LSAMP: variants seen among roughly 807,000 people sequenced by gnomAD.
The protein encoded by LSAMP is limbic system-associated membrane protein.
LSAMP carries 7 observed loss-of-function variants against 38.6 expected under a neutral mutation model. That is an observed-to-expected ratio of 0.18 (90% confidence interval 0.10 to 0.34). LSAMP has a LOEUF of 0.34. Ranked by LOEUF, LSAMP falls within the 10% of genes least tolerant of loss-of-function variation. LSAMP has a pLI of 1.00. For synonymous variants in LSAMP, 154 were observed against 166.8 expected, an observed-to-expected ratio of 0.92 and a Z score of 0.59; for missense variants, 313 against 420.0, an observed-to-expected ratio of 0.75 and a Z score of 2.23.
chr3:116,066,507 T>C (rs1707431786), intron 2 of LSAMP, among the ~76,000 whole-genome samples: 1 of 152,220 alleles, frequency 6.6e-6, no homozygotes, highest in African/African-American at 2.4e-5. Context: ...TATTATTGTC[T>C]TCATTTGTTG....
intron 3 of LSAMP, among the ~76,000 whole-genome samples, chr3:115,992,629 C>CA (rs1463321539): frequency 5.3e-5 from 8 of 151,870 alleles, no homozygotes; most frequent in African/African-American, 1.9e-4. Context: ...AAAAGCTTTT[C>CA]AAAAATGCAT....
chr3:116,204,995 T>A (rs1404482052), intron 1 of LSAMP, among the ~76,000 whole-genome samples: 5 of 143,154 alleles, frequency 3.5e-5, no homozygotes, highest in African/African-American at 1.3e-4. Flanking sequence ...CCTTGGGCAG[T>A]ATGGCCATTT....
At chr3:115,973,388 C>T (rs1272082971) in intron 3 of LSAMP, among the ~76,000 whole-genome samples, 2 of 152,034 alleles carry the variant, frequency 1.3e-5, no homozygotes, top group East Asian at 3.9e-4. Context: ...GGAATATTTG[C>T]ATATACATAA....
intron 2 of LSAMP, among the ~76,000 whole-genome samples, chr3:116,023,170 C>T (rs1402406751): frequency 2.1e-5 from 3 of 144,090 alleles, no homozygotes; most frequent in African/African-American, 7.7e-5. Flanking sequence ...GTGTGTGTCT[C>T]TCTCTCTCTA....
Position 116,190,319 on chromosome 3 carries a change from G to A in LSAMP, c.156-103763C>T, listed in dbSNP as rs907698803. Among the ~76,000 whole-genome samples the A allele has an allele frequency of 5.9e-5, 9 of 152,016 alleles. No individual in the cohort carries two copies. The East Asian group carries it at 1.3e-3, about 23-fold the overall frequency. On this transcript the variant is annotated intron_variant, in intron 1 of 6. Transcript: ENST00000490035. Reference sequence around the variant, plus strand: ...TTCCTTTCCCCCCTTTTTATTAGACGCAGCCCAGAGATAAAACCTTCAAGT... The same window carrying A: ...TTCCTTTCCCCCCTTTTTATTAGACACAGCCCAGAGATAAAACCTTCAAGT...
At chr3:116,429,667 T>C (rs1468266755) in intron 1 of LSAMP, among the ~76,000 whole-genome samples, 1 of 152,284 alleles carries the variant, frequency 6.6e-6, no homozygotes, top group East Asian at 1.9e-4. Flanking sequence ...AGAGAAGGAT[T>C]ACATCAGATA....
At chr3:116,167,366 A>C (rs1342641502) in intron 1 of LSAMP, among the ~76,000 whole-genome samples, 2 of 152,204 alleles carry the variant, frequency 1.3e-5, no homozygotes, top group Admixed American at 6.5e-5. Context: ...ATATTTCTTC[A>C]TAGTATTATT....
At position 116,316,255 on chromosome 3, in the gene LSAMP, C is replaced by T. The variant is rs115774436; in HGVS notation, c.155+128622G>A. Among the ~76,000 whole-genome samples, 721 of 152,218 alleles carry T rather than the reference C, an allele frequency of 4.7e-3. 4 individuals carry two copies. Among genetic ancestry groups the T allele is most frequent in the African/African-American group, 0.016 (683 of 41,528 alleles). ...AAGATACTGAATTGAAACTACTAAT[C>T]ATTAGTAGTTATTGGCAAGTAGGAT... On this transcript the variant is annotated intron_variant, in intron 1 of 6. Coordinates refer to ENST00000490035, the MANE Select transcript of LSAMP (RefSeq NM_002338.5).
rs1439746488 is a variant in LSAMP at position 115,807,397 on chromosome 3, A to G, written c.*2920T>C. On this transcript the variant is annotated 3_prime_UTR_variant, in exon 7 of 7. Transcript: ENST00000490035. ...ACACAGGCAAACACCACATTTAAAT[A>G]TATGTTTAATTATGTTTAATATATG... 1 of 152,186 alleles carries G rather than the reference A, an allele frequency of 6.6e-6. No individual in the cohort carries two copies. Among genetic ancestry groups the G allele is most frequent in the Non-Finnish European group, 1.5e-5 (1 of 68,038 alleles). The allele number at this position is 152,186 out of a possible 1,614,324, so 9.4% of individuals were successfully genotyped here. A position where few individuals can be genotyped will look rare whatever the true frequency, so the allele number is the denominator to read the frequency against.
At chr3:116,111,198 G>A (rs530290120) in intron 1 of LSAMP, among the ~76,000 whole-genome samples, 5 of 152,332 alleles carry the variant, frequency 3.3e-5, no homozygotes, top group East Asian at 1.9e-4. Context: ...CAGGGGATGC[G>A]ATGGCTTGGC....
In LSAMP at chr3:115,803,359, T is replaced by C. The variant is rs543550968; in HGVS notation, c.*6958A>G. The C allele has an allele frequency of 2.0e-5, 3 of 152,386 alleles. No individual in the cohort carries two copies. The East Asian group carries it at 5.8e-4, about 29-fold the overall frequency. 9.4% of individuals were successfully genotyped at this position (152,386 alleles called of 1,614,324 possible). On this transcript the variant is annotated 3_prime_UTR_variant, in exon 7 of 7. Coordinates refer to ENST00000490035, the MANE Select transcript of LSAMP (RefSeq NM_002338.5). ...GACTGGAAACTCTGATGCCTTCTGT[T>C]CTTTCAGACAATAAAATCAAAGGAC...
chr3:116,437,503 C>A (rs1383758111), intron 1 of LSAMP, among the ~76,000 whole-genome samples: 2 of 152,058 alleles, frequency 1.3e-5, no homozygotes, highest in Non-Finnish European at 2.9e-5. Flanking sequence ...GGGACATTTC[C>A]TTGAAACAAA....
At chr3:115,911,637 C>T (rs898613935) in intron 3 of LSAMP, among the ~76,000 whole-genome samples, 7 of 152,186 alleles carry the variant, frequency 4.6e-5, no homozygotes, top group African/African-American at 9.7e-5. Flanking sequence ...AGCTACCGTG[C>T]CTGGCCTACG....
intron 2 of LSAMP, among the ~76,000 whole-genome samples, chr3:116,075,545 GTT>G (rs35574635): frequency 6.1e-5 from 8 of 131,216 alleles, no homozygotes; most frequent in East Asian, 2.3e-4. Context: ...TCACTTTATC[GTT>G]TTTTTTTTTT....
At chr3:116,146,975 T>G (rs1709505138) in intron 1 of LSAMP, among the ~76,000 whole-genome samples, 1 of 151,922 alleles carries the variant, frequency 6.6e-6, no homozygotes, top group African/African-American at 2.4e-5. Context: ...GACATTTAAG[T>G]GTCCTTACAA....
chr3:115,885,655 A>G (rs1294525306), intron 3 of LSAMP, among the ~76,000 whole-genome samples: 1 of 151,190 alleles, frequency 6.6e-6, no homozygotes, highest in Non-Finnish European at 1.5e-5. Flanking sequence ...GGGGACAAGT[A>G]TCTGCTGCAT....
chr3:116,292,904 T>G (rs1452971606), intron 1 of LSAMP, among the ~76,000 whole-genome samples: 2 of 152,192 alleles, frequency 1.3e-5, no homozygotes, highest in Non-Finnish European at 2.9e-5. Context: ...GACTATCCCA[T>G]TAACCTTTTT....
intron 6 of LSAMP, among the ~76,000 whole-genome samples, chr3:115,834,189 CTG>C (rs1934708808): frequency 6.6e-6 from 1 of 152,062 alleles, no homozygotes; most frequent in African/African-American, 2.4e-5. Context: ...AAACTTCCAA[CTG>C]TGAGGGTAGT....
At chr3:116,072,450 T>C (rs1707630664) in intron 2 of LSAMP, among the ~76,000 whole-genome samples, 2 of 152,202 alleles carry the variant, frequency 1.3e-5, no homozygotes, top group African/African-American at 2.4e-5. Flanking sequence ...ATGATATTTC[T>C]GCTTCTAGAT....
Sources: allele counts gnomAD v4.1 joint callset (sites outside exome capture counted in the v4.1 genomes callset), GRCh38; gene constraint gnomAD v4.1.1; transcripts MANE v1.5; gene names NCBI Gene and HGNC (gene_info 2026-07-23, HGNC 2026-07-21).